The following CWC27 variants were observed in gnomAD, a reference collection of about 807,000 sequenced individuals.
The protein encoded by CWC27 is CWC27 spliceosome associated cyclophilin.
In CWC27, 47 loss-of-function variants were observed where a neutral mutation model predicts 63.6. That is an observed-to-expected ratio of 0.74 (90% CI 0.58 to 0.94). The LOEUF is 0.94. Among genes scored for constraint, CWC27 ranks in the 40% least tolerant of loss-of-function variants. CWC27 has a pLI of 0.00. For synonymous variants in CWC27, 175 were observed against 179.8 expected, an observed-to-expected ratio of 0.97 and a Z score of 0.22; for missense variants, 495 against 554.3, an observed-to-expected ratio of 0.89 and a Z score of 1.07.
intron 11 of CWC27, among the ~76,000 whole-genome samples, chr5:64,930,042 A>G (rs1748208510): frequency 6.6e-6 from 1 of 152,232 alleles, no homozygotes; most frequent in Non-Finnish European, 1.5e-5. Flanking sequence ...AAAGGAATAA[A>G]GTACTGATTC....
chr5:64,989,260 CT>C (rs1749492371), intron 13 of CWC27, among the ~76,000 whole-genome samples: 2 of 152,196 alleles, frequency 1.3e-5, no homozygotes, highest in South Asian at 4.1e-4. Context: ...TACTGTTCTG[CT>C]TTTCCTCTTT....
intron 11 of CWC27, among the ~76,000 whole-genome samples, chr5:64,944,852 G>T (rs962440051): frequency 2.0e-5 from 3 of 152,018 alleles, no homozygotes; most frequent in Admixed American, 1.3e-4. Context: ...AAATATGGCA[G>T]ATCTTGTCAC....
chr5:64,777,983 A>G (rs1336989272), intron 2 of CWC27, among the ~76,000 whole-genome samples: 1 of 152,170 alleles, frequency 6.6e-6, no homozygotes, highest in Non-Finnish European at 1.5e-5. Flanking sequence ...CATGCATTCA[A>G]CAGGAATATA....
intron 10 of CWC27, among the ~76,000 whole-genome samples, chr5:64,831,588 A>G (rs1312990880): frequency 6.6e-6 from 1 of 151,954 alleles, no homozygotes; most frequent in Non-Finnish European, 1.5e-5. Context: ...ATTTTAAAAA[A>G]CATTTGAAAA....
intron 10 of CWC27, among the ~76,000 whole-genome samples, chr5:64,829,155 T>C (rs1745446292): frequency 6.6e-6 from 1 of 152,158 alleles, no homozygotes; most frequent in Admixed American, 6.5e-5. Context: ...TTTTCATGAT[T>C]TGAATTTTCT....
intron 7 of CWC27, among the ~76,000 whole-genome samples, chr5:64,799,602 ACT>A (rs1744414193): frequency 1.8e-3 from 239 of 131,648 alleles, no homozygotes; most frequent in South Asian, 6.1e-3. Context: ...ATATATATAT[ACT>A]TAATAGCAGC....
chr5:65,015,013 G>T (rs1358999271), intron 13 of CWC27, among the ~76,000 whole-genome samples: 1 of 152,146 alleles, frequency 6.6e-6, no homozygotes, highest in Non-Finnish European at 1.5e-5. Context: ...GACTTGCTTA[G>T]TGCAGTGGTG....
intron 10 of CWC27, among the ~76,000 whole-genome samples, chr5:64,841,625 T>C (rs746527775): frequency 1.3e-5 from 2 of 152,210 alleles, no homozygotes; most frequent in Non-Finnish European, 1.5e-5. Flanking sequence ...TCTTTTTTTA[T>C]ATCTTTGTTA....
At chr5:64,790,324 A>T (rs532826978) in intron 7 of CWC27, among the ~76,000 whole-genome samples, 2 of 152,138 alleles carry the variant, frequency 1.3e-5, no homozygotes, top group East Asian at 3.9e-4. Flanking sequence ...AACGTCACCA[A>T]TCACTCTGTC....
intron 11 of CWC27, among the ~76,000 whole-genome samples, chr5:64,968,045 A>G (rs1749050399): frequency 6.6e-6 from 1 of 152,098 alleles, no homozygotes; most frequent in Non-Finnish European, 1.5e-5. Flanking sequence ...AGAATATATA[A>G]GAAAACTATT....
chr5:64,951,324 T>C lies in CWC27; in HGVS notation c.1043-20379T>C, dbSNP rs1748705262. Among the ~76,000 whole-genome samples, 3 of 151,984 alleles carry C rather than the reference T, an allele frequency of 2.0e-5. No individual in the cohort carries two copies. The South Asian group carries it at 6.2e-4, about 31-fold the overall frequency. The stretch of plus-strand genomic sequence containing the variant: ...TAATATGCATTTCCCTAATGATCAA[T>C]GATGTTGAACATCTTTTCATGTGCT... On this transcript the variant is annotated intron_variant, in intron 11 of 13. Transcript: ENST00000381070.
intron 10 of CWC27, among the ~76,000 whole-genome samples, chr5:64,857,982 A>G (rs936544168): frequency 6.5e-5 from 9 of 138,142 alleles, no homozygotes; most frequent in Admixed American, 1.4e-4. Flanking sequence ...CTAAAAATAC[A>G]AAAAAATTAG....
At chr5:64,946,981 T>G (rs1748602873) in intron 11 of CWC27, among the ~76,000 whole-genome samples, 1 of 152,140 alleles carries the variant, frequency 6.6e-6, no homozygotes, top group Non-Finnish European at 1.5e-5. Context: ...ATTATTTCCT[T>G]TAGACTTGCA....
intron 7 of CWC27, among the ~76,000 whole-genome samples, chr5:64,795,421 G>A (rs760008901): frequency 2.0e-5 from 3 of 152,106 alleles, no homozygotes; most frequent in Non-Finnish European, 2.9e-5. Flanking sequence ...CAAATTTAGT[G>A]TCTTATATTT....
chr5:64,997,547 T>C (rs1341510910), intron 13 of CWC27, among the ~76,000 whole-genome samples: 2 of 152,178 alleles, frequency 1.3e-5, no homozygotes, highest in Non-Finnish European at 2.9e-5. Context: ...AATATTTGAC[T>C]GTTTTATGAC....
intron 11 of CWC27, among the ~76,000 whole-genome samples, chr5:64,962,445 T>C (rs555134687): frequency 6.6e-6 from 1 of 152,166 alleles, no homozygotes; most frequent in Admixed American, 6.5e-5. Flanking sequence ...ATCTAGAAGA[T>C]AGGGTTTTAA....
At chr5:64,776,129 G>A (rs1743444646) in intron 2 of CWC27, among the ~76,000 whole-genome samples, 1 of 144,814 alleles carries the variant, frequency 6.9e-6, no homozygotes, top group African/African-American at 2.6e-5. Flanking sequence ...GAGAATGAAA[G>A]GACATCTGCA....
At chr5:64,870,232 A>G (rs1482584136) in intron 10 of CWC27, among the ~76,000 whole-genome samples, 1 of 152,084 alleles carries the variant, frequency 6.6e-6, no homozygotes, top group Non-Finnish European at 1.5e-5. Flanking sequence ...ATTGCCATGG[A>G]AATATTAAGA....
chr5:64,837,038 A>C (rs1463410829), intron 10 of CWC27, among the ~76,000 whole-genome samples: 2 of 152,040 alleles, frequency 1.3e-5, no homozygotes, highest in Non-Finnish European at 1.5e-5. Flanking sequence ...TACCCACCAA[A>C]TGTTACAAAC....
Sources: gnomAD v4.1 joint callset for allele counts (sites outside exome capture counted in the v4.1 genomes callset) on GRCh38, gnomAD v4.1.1 for gene constraint, MANE v1.5 for transcripts, NCBI Gene and HGNC (gene_info 2026-07-23, HGNC 2026-07-21) for gene names.